SATB1: variants seen among roughly 807,000 people sequenced by gnomAD.
SATB1 encodes the protein DNA-binding protein SATB1.
In SATB1, 11 loss-of-function variants were observed where a neutral mutation model predicts 86.9. The observed-to-expected ratio is 0.13, with a 90% CI of 0.08 to 0.21. The LOEUF is 0.21. SATB1 is among the 10% of genes least tolerant of loss of function. The pLI is 1.00. For synonymous variants in SATB1, 357 were observed against 357.2 expected (o/e 1.00, Z 0.01); for missense variants, 551 against 937.6 (o/e 0.59, Z 5.39).
chr3:18,422,944 G>A (rs1698467679), intron 1 of SATB1, among the ~76,000 whole-genome samples: 1 of 152,176 alleles, frequency 6.6e-6, no homozygotes, highest in African/African-American at 2.4e-5. Flanking sequence ...ATGAAAAACT[G>A]TCCTTTGAAT....
chr3:18,404,753 T>C (rs1371889625), intron 5 of SATB1, among the ~76,000 whole-genome samples: 1 of 151,988 alleles, frequency 6.6e-6, no homozygotes, highest in Non-Finnish European at 1.5e-5. Flanking sequence ...TCTGCCCTTT[T>C]GTATAAGTAC....
intron 8 of SATB1, among the ~76,000 whole-genome samples, chr3:18,378,738 T>C (rs1298588221): frequency 6.6e-6 from 1 of 152,186 alleles, no homozygotes; most frequent in African/African-American, 2.4e-5. Flanking sequence ...TAATAGACAA[T>C]TGAATCACTA....
At position 18,349,632 on chromosome 3, in the gene SATB1, C is replaced by T. The variant is rs760001492; in HGVS notation, c.1830G>A (p.Pro610=). The change falls in exon 11 of 11, where the codon CCG becomes CCA. Residue 610 remains proline (P), a synonymous_variant. Transcript: ENST00000338745. This position sits in a 1 kb window ranked among gnomAD's most constrained non-coding sequence, Gnocchi z 5.5. The stretch of plus-strand genomic sequence containing the variant: ...GTGGCTGCTGCTGTGGCTGTGGAGG[C>T]GGCGGTGCCTGCTGCTGCTGCTGCT... ...QQQQQQQQAP[P]PPQPQQQPQT... is the part of the protein sequence containing the mutation. 6.8e-6 allele frequency: 11 copies of T among 1,612,584 alleles called. No homozygotes were observed. The highest frequency in any genetic ancestry group is 4.0e-5 in the African/African-American group (3 of 74,870).
At position 18,386,719 on chromosome 3, in the gene SATB1, G is replaced by A. The variant is rs1328258964; in HGVS notation, c.1207-108C>T. The A allele has an allele frequency of 1.7e-5, 14 of 820,906 alleles. No homozygotes were observed. The African/African-American group carries it at 2.4e-4, about 14-fold the overall frequency. The allele number at this position is 820,906 out of a possible 1,614,324, so 50.9% of individuals were successfully genotyped here. On this transcript the variant is annotated intron_variant, in intron 7 of 10. Coordinates refer to ENST00000338745, the MANE Select transcript of SATB1 (RefSeq NM_002971.6). The surrounding 1 kb of genome is among the most constrained non-coding windows in gnomAD (Gnocchi z 4.5). ...CTGTTTAGAAAATGAACAGTCAGAG[G>A]CATTAATTCTGCATAGGAATATATT...
In SATB1 at chr3:18,386,642, T is replaced by C; in HGVS notation, c.1207-31A>G. On this transcript the variant is annotated intron_variant, in intron 7 of 10. Transcript: ENST00000338745. The surrounding 1 kb of genome is among the most constrained non-coding windows in gnomAD (Gnocchi z 4.5). ...AGAAATGAAAGGCACAGGGTGAGCC[T>C]GCTGCCTTGCTTTGCCTGGCCAGCA... is the stretch of plus-strand genomic sequence containing the variant. 2 of 1,576,672 alleles carry C rather than the reference T, an allele frequency of 1.3e-6. No individual in the cohort carries two copies. Among genetic ancestry groups the C allele is most frequent in the Non-Finnish European group, 8.7e-7 (1 of 1,146,582 alleles).
At chr3:18,410,537 A>G (rs1202524950) in intron 5 of SATB1, among the ~76,000 whole-genome samples, 1 of 152,038 alleles carries the variant, frequency 6.6e-6, no homozygotes, top group African/African-American at 2.4e-5. Context: ...CTCTCGATAC[A>G]TCAAAAGCAC....
At chr3:18,361,355 A>G (rs1694897305) in intron 9 of SATB1, among the ~76,000 whole-genome samples, 1 of 152,156 alleles carries the variant, frequency 6.6e-6, no homozygotes, top group East Asian at 1.9e-4. Context: ...TAATTCATGA[A>G]AAGGGCTTGG....
At chr3:18,429,095 C>T (rs898605643), upstream of SATB1, among the ~76,000 whole-genome samples, 15 of 151,940 alleles carry the variant, frequency 9.9e-5, no homozygotes, top group African/African-American at 7.3e-5. The surrounding 1 kb of genome is among the most constrained non-coding windows in gnomAD (Gnocchi z 4.1). Context: ...CTCTTTTTGT[C>T]GTGTCAACTC....
chr3:18,377,349 GAA>G (rs1160451652), intron 9 of SATB1, among the ~76,000 whole-genome samples: 1 of 152,130 alleles, frequency 6.6e-6, no homozygotes, highest in Non-Finnish European at 1.5e-5. Context: ...TTTCAAGGGG[GAA>G]AAGAGTTTAG....
At chr3:18,374,871 T>A (rs575384046) in intron 9 of SATB1, among the ~76,000 whole-genome samples, 1 of 152,210 alleles carries the variant, frequency 6.6e-6, no homozygotes, top group Admixed American at 6.5e-5. Flanking sequence ...TTGGGTATAG[T>A]GCTATATAAT....
At chr3:18,359,757 T>C (rs1001758587) in intron 9 of SATB1, among the ~76,000 whole-genome samples, 1 of 151,964 alleles carries the variant, frequency 6.6e-6, no homozygotes, top group Non-Finnish European at 1.5e-5. Context: ...GCACTTTCTC[T>C]TCAAATGTTA....
chr3:18,346,811 A>G lies in SATB1; in HGVS notation c.*2359T>C, dbSNP rs1694080452. 1 of 152,176 alleles carries G rather than the reference A, an allele frequency of 6.6e-6. No homozygotes were observed. Among genetic ancestry groups the G allele is most frequent in the African/African-American group, 2.4e-5 (1 of 41,448 alleles). The allele number at this position is 152,176 out of a possible 1,614,324, so 9.4% of individuals were successfully genotyped here. A position where few individuals can be genotyped will look rare whatever the true frequency, so the allele number is the denominator to read the frequency against. On this transcript the variant is annotated 3_prime_UTR_variant, in exon 11 of 11. Transcript: ENST00000338745. ...TATTTGCAACCCAAACTTAGGGGAT[A>G]TAAGGAAGAGGAAGATAACTTCATG...
chr3:18,356,055 A>G (rs1017684489), intron 9 of SATB1, among the ~76,000 whole-genome samples: 4 of 151,930 alleles, frequency 2.6e-5, no homozygotes, highest in Non-Finnish European at 2.9e-5. Context: ...TCACGCCTTG[A>G]GCTGTTGCAA....
chr3:18,349,342 T>C lies in SATB1; in HGVS notation c.2120A>G (p.Lys707Arg). Residue 707 changes from lysine (K) to arginine (R), a missense_variant, in exon 11 of 11, where the codon AAG becomes AGG. Physicochemically the swap from Lys to Arg is conservative, Grantham distance 26. Around this residue, in one of 8 missense-constraint regions of SATB1, gnomAD observed 33 missense variants for 85.4 expected, o/e 0.39. Transcript: ENST00000338745. The surrounding 1 kb of genome is among the most constrained non-coding windows in gnomAD (Gnocchi z 5.5). Reference sequence around the variant, plus strand: ...ATCGACCTCTAAACCGGAATTGTCCTTCAGTTTGCCGTGGTGCTTGAGATA... The same window carrying C: ...ATCGACCTCTAAACCGGAATTGTCCCTCAGTTTGCCGTGGTGCTTGAGATA... ...RYYLKHHGKL[K>R]DNSGLEVDVA... The C allele has an allele frequency of 6.2e-7, 1 of 1,614,204 alleles. No homozygotes were observed. The highest frequency in any genetic ancestry group is 1.1e-5 in the South Asian group (1 of 91,086).
At chr3:18,422,960 C>T (rs570876882) in intron 1 of SATB1, among the ~76,000 whole-genome samples, 1 of 152,182 alleles carries the variant, frequency 6.6e-6, no homozygotes, top group African/African-American at 2.4e-5. Context: ...TGAATACCCA[C>T]CTATAAGCAT....
chr3:18,356,862 C>T (rs923888433), intron 9 of SATB1, among the ~76,000 whole-genome samples: 5 of 151,778 alleles, frequency 3.3e-5, no homozygotes, highest in Non-Finnish European at 7.4e-5. Flanking sequence ...ATGAGAACCC[C>T]TAACAAGGCC....
At chr3:18,432,359 T>C (rs560741947) in intron 2 of SATB1, among the ~76,000 whole-genome samples, 1 of 152,332 alleles carries the variant, frequency 6.6e-6, no homozygotes, top group Non-Finnish European at 1.5e-5. Flanking sequence ...TTTCCTTAGT[T>C]GATATGAATG....
chr3:18,414,329 G>A (rs1008944730), intron 5 of SATB1, among the ~76,000 whole-genome samples: 2 of 151,892 alleles, frequency 1.3e-5, no homozygotes, highest in East Asian at 3.9e-4. Context: ...TTTGAAATCA[G>A]CTGAGTTTCA....
chr3:18,385,627 G>GAAA (rs71839568), intron 8 of SATB1, among the ~76,000 whole-genome samples: 2 of 144,790 alleles, frequency 1.4e-5, no homozygotes, highest in Non-Finnish European at 1.5e-5. Context: ...CATCTCAAAA[G>GAAA]AAAAAAAAAA....
Sources: allele counts gnomAD v4.1 joint callset (sites outside exome capture counted in the v4.1 genomes callset), GRCh38; gene constraint gnomAD v4.1.1; regional missense constraint gnomAD v4.1.1; non-coding constraint Gnocchi (gnomAD v3.1); transcripts MANE v1.5; gene names NCBI Gene and HGNC (gene_info 2026-07-23, HGNC 2026-07-21).